Variants in STAG2 observed in about 807,000 individuals in gnomAD.
STAG2 encodes the protein STAG2 cohesin complex component.
In STAG2, 14 loss-of-function variants were observed where a neutral mutation model predicts 108.1. That is an observed-to-expected ratio of 0.13 (90% CI 0.09 to 0.20). The LOEUF (loss-of-function observed/expected upper bound fraction) is 0.20, where lower values mean the gene tolerates loss of function less well. Among genes scored for constraint, STAG2 ranks in the 10% least tolerant of loss-of-function variants. The probability of loss-of-function intolerance (pLI) is 1.00; values close to 1 mark genes in which losing one functional copy is unlikely to be tolerated. For synonymous variants in STAG2, 307 were observed against 302.7 expected (o/e 1.01, Z -0.15); for missense variants, 440 against 940.9 (o/e 0.47, Z 6.96).
intron 1 of STAG2, among the ~76,000 whole-genome samples, chrX:123,998,111 C>A (rs984595295): frequency 9.3e-6 from 1 of 107,859 alleles, no homozygotes; most frequent in East Asian, 2.9e-4. Flanking sequence ...GCTTTGAATT[C>A]TTTGGGGTAT....
intron 1 of STAG2, among the ~76,000 whole-genome samples, chrX:124,015,191 T>G (rs1197663947): frequency 9.4e-6 from 1 of 106,284 alleles, no homozygotes; most frequent in Non-Finnish European, 1.9e-5. Context: ...TTTCACCGTG[T>G]TAGCCAGGAT....
At chrX:123,983,702 T>C in intron 1 of STAG2, among the ~76,000 whole-genome samples, 1 of 110,969 alleles carries the variant, frequency 9.0e-6, no homozygotes, top group Non-Finnish European at 1.9e-5. Flanking sequence ...CTACATAAAC[T>C]ACTTCCAGGT....
intron 1 of STAG2, among the ~76,000 whole-genome samples, chrX:123,964,869 T>G (rs181691996): frequency 3.6e-5 from 4 of 110,501 alleles, no homozygotes; most frequent in African/African-American, 1.3e-4. Context: ...CCATTACCCG[T>G]AAACAGTAAA....
Position 124,086,604 on chromosome X carries a change from G to A in STAG2, c.3111G>A (p.Val1037=), listed in dbSNP as rs1306148192. Residue 1037 remains valine, a synonymous_variant, in exon 30 of 35, where the codon GTG becomes GTA. Transcript: ENST00000371145. ...AGATGTCACTCCGAAGAGAGGATGT[G>A]TGGCTTCCACTGATGTCTTACCGAA... is the stretch of plus-strand genomic sequence containing the variant. ...TFQMSLRRED[V]WLPLMSYRNS... is the part of the protein sequence containing the mutation. The A allele has an allele frequency of 4.1e-6, 5 of 1,211,630 alleles. No homozygotes were observed. In the Admixed American group the frequency reaches 1.1e-4, roughly 26 times the overall value.
At chrX:124,002,416 G>A (rs1195726959) in intron 1 of STAG2, among the ~76,000 whole-genome samples, 3 of 111,742 alleles carry the variant, frequency 2.7e-5, no homozygotes, top group Admixed American at 9.5e-5. Context: ...TTGCACTCGG[G>A]AGTTATAGGT....
rs1400872780 is a variant in STAG2 at position 124,066,220 on chromosome X, A to G, written c.2142A>G (p.Lys714=). Residue 714 remains lysine, a synonymous_variant, in exon 22 of 35, where the codon AAA becomes AAG. Transcript: ENST00000371145. Reference sequence around the variant, plus strand: ...GGGATTTATTTGCTTGTAATTACAAACTCTTGAAAACTGGAATCGAAAATG... The same window carrying G: ...GGGATTTATTTGCTTGTAATTACAAGCTCTTGAAAACTGGAATCGAAAATG... ...SKWDLFACNY[K]LLKTGIENGD... is the part of the protein sequence containing the mutation. 2 of 1,199,147 alleles carry G rather than the reference A, an allele frequency of 1.7e-6. No homozygotes were observed. Among genetic ancestry groups the G allele is most frequent in the Non-Finnish European group, 2.2e-6 (2 of 891,453 alleles).
intron 1 of STAG2, among the ~76,000 whole-genome samples, chrX:123,983,439 A>T (rs1385427769): frequency 9.0e-6 from 1 of 111,022 alleles, no homozygotes; most frequent in East Asian, 2.8e-4. Context: ...GCTGAGTTCA[A>T]GTGTTTTGTA....
At chrX:123,992,037 G>C (rs1426920904) in intron 1 of STAG2, among the ~76,000 whole-genome samples, 1 of 112,381 alleles carries the variant, frequency 8.9e-6, no homozygotes, top group African/African-American at 3.2e-5. Flanking sequence ...TAAAGTATAT[G>C]GGAGGATGTA....
chrX:124,020,833 G>A (rs747415235), intron 1 of STAG2, among the ~76,000 whole-genome samples: 5 of 112,235 alleles, frequency 4.5e-5, no homozygotes, highest in Non-Finnish European at 9.4e-5. Context: ...CAACACACGA[G>A]GCTAATTTTT....
chrX:124,071,389 A>G, intron 25 of STAG2, 66 bp downstream of exon 25: 2 of 891,671 alleles, frequency 2.2e-6, no homozygotes, highest in Admixed American at 3.3e-5. Flanking sequence ...AGTAACAATG[A>G]TGTACATCGG....
intron 25 of STAG2, among the ~76,000 whole-genome samples, chrX:124,074,701 C>T (rs757714418): frequency 8.9e-6 from 1 of 111,733 alleles, no homozygotes; most frequent in Non-Finnish European, 1.9e-5. Context: ...ATAATAATGG[C>T]AGCTGACACT....
At position 123,969,757 on chromosome X, in the gene STAG2, C is replaced by T. The variant is rs750217146; in HGVS notation, c.-163+7901C>T. On this transcript the variant is annotated intron_variant, in intron 1 of 34. Transcript: ENST00000371145. ...GCCTCCCAGGTTCAAGCGATTTCCT[C>T]GCCTCAGCCTCCCGAGTAGCTGGGA... is the stretch of plus-strand genomic sequence containing the variant. 5.5e-5 allele frequency among the ~76,000 whole-genome samples: 6 copies of T among 108,955 alleles called. No individual in the cohort carries two copies. The South Asian group carries it at 1.2e-3, about 21-fold the overall frequency. 94.6% of individuals were successfully genotyped at this position (108,955 alleles called of 115,157 possible).
intron 1 of STAG2, among the ~76,000 whole-genome samples, chrX:123,966,132 G>C (rs137918642): frequency 1.8e-5 from 2 of 111,372 alleles, no homozygotes; most frequent in East Asian, 5.6e-4. Context: ...TGTGATTGTT[G>C]GAGAGTAAGG....
chrX:124,037,008 C>T (rs369285442), intron 5 of STAG2, among the ~76,000 whole-genome samples: 4 of 110,495 alleles, frequency 3.6e-5, no homozygotes, highest in Non-Finnish European at 5.7e-5. Context: ...GCCTCAGCCT[C>T]GCGAGTAGTT....
intron 2 of STAG2, among the ~76,000 whole-genome samples, chrX:124,021,753 C>T (rs1429558173): frequency 4.5e-5 from 5 of 111,363 alleles, no homozygotes; most frequent in African/African-American, 9.8e-5. Context: ...ATAAGCCAGG[C>T]TTTGGACTGT....
At chrX:124,064,790 G>A (rs970582159) in intron 20 of STAG2, among the ~76,000 whole-genome samples, 4 of 111,379 alleles carry the variant, frequency 3.6e-5, no homozygotes, top group African/African-American at 1.3e-4. Context: ...TATTATAGCC[G>A]CTGCTACTGT....
chrX:124,039,307 C>G (rs970024167), intron 6 of STAG2, among the ~76,000 whole-genome samples: 56 of 109,454 alleles, frequency 5.1e-4, no homozygotes, highest in African/African-American at 1.6e-3. Context: ...AGGCTCACGA[C>G]AACACGCCCA....
chrX:124,079,840 CAAAAT>C (rs1254869091), intron 27 of STAG2, among the ~76,000 whole-genome samples: 7 of 110,745 alleles, frequency 6.3e-5, no homozygotes, highest in Non-Finnish European at 1.1e-4. Context: ...GATTTTTTAA[CAAAAT>C]TAAATTGTGC....
Position 124,025,873 on chromosome X carries a change from T to A in STAG2, c.78T>A (p.Asp26Glu). The change falls in exon 4 of 35, where the codon GAT (aspartate) becomes GAA (glutamate). Residue 26 changes from aspartate to glutamate, a missense_variant. Coordinates refer to ENST00000371145, the MANE Select transcript of STAG2 (RefSeq NM_001042750.2). ...AAACACATTTTTCTTCTGACACAGA[T>A]TTTGAAGATATCGAAGGAAAAAACC... ...ESETHFSSDT[D>E]FEDIEGKNQK... 1 of 1,189,755 alleles carries A rather than the reference T, an allele frequency of 8.4e-7. No homozygotes were observed. The highest frequency in any genetic ancestry group is 1.1e-6 in the Non-Finnish European group (1 of 883,618).
Sources: gnomAD v4.1 joint callset for allele counts (sites outside exome capture counted in the v4.1 genomes callset) on GRCh38, gnomAD v4.1.1 for gene constraint, MANE v1.5 for transcripts, NCBI Gene and HGNC (gene_info 2026-07-23, HGNC 2026-07-21) for gene names.